SLC38A6: variants seen among roughly 807,000 people sequenced by gnomAD.
SLC38A6 encodes the protein solute carrier family 38 member 6, also known as N system amino acid transporter NAT-1.
In SLC38A6, 73 loss-of-function variants were observed where a neutral mutation model predicts 65.0. The observed-to-expected ratio is 1.12, with a 90% CI of 0.93 to 1.37. The LOEUF (loss-of-function observed/expected upper bound fraction) is 1.37. Ranked by LOEUF, SLC38A6 falls within the 40% of genes most tolerant of loss-of-function variation. The pLI, the probability that SLC38A6 is intolerant of heterozygous loss-of-function variation, is 0.00. For missense variants in SLC38A6, 561 were observed against 531.1 expected (o/e 1.06, Z -0.55); for synonymous variants, 183 against 178.8 (o/e 1.02, Z -0.19).
intron 15 of SLC38A6, among the ~76,000 whole-genome samples, chr14:61,068,834 C>T (rs2043119336): frequency 6.6e-6 from 1 of 152,126 alleles, no homozygotes; most frequent in Non-Finnish European, 1.5e-5. Flanking sequence ...TTTGGAGTGG[C>T]TTAATATTTG....
At position 61,052,115 on chromosome 14, in the gene SLC38A6, C is replaced by G; in HGVS notation, c.1270C>G (p.Leu424Val). Reference protein sequence around the residue: ...FYLKLSREDFLSWKKLGAFVL... With the variant: ...FYLKLSREDFVSWKKLGAFVL... Reference sequence around the variant, plus strand: ...TCTTAAACTTAGCAGAGAGGATTTTCTGTCATGGAAAAAGCTTGGGGTAGG... The same window carrying G: ...TCTTAAACTTAGCAGAGAGGATTTTGTGTCATGGAAAAAGCTTGGGGTAGG... Residue 424 changes from leucine (L) to valine (V), a missense_variant, in exon 15 of 16, where the codon CTG (leucine) becomes GTG (valine). Leu to Val is a conservative substitution (Grantham distance 32). Transcript: ENST00000267488. 1 of 1,563,774 alleles carries G rather than the reference C, an allele frequency of 6.4e-7. No individual in the cohort carries two copies.
intron 7 of SLC38A6, 59 bp from the exon 8 acceptor site, chr14:61,037,566 G>T: frequency 8.3e-7 from 1 of 1,209,434 alleles, no homozygotes. Flanking sequence ...TATAGCTTTA[G>T]TTGTACGTTA....
chr14:61,031,577 T>C lies in SLC38A6; in HGVS notation c.482+1054T>C, dbSNP rs544601366. On this transcript the variant is annotated intron_variant, in intron 6 of 15. Transcript: ENST00000267488. ...GATATTGTTCCTTTGTATGATACTT[T>C]ACAGTTAATGAGGTTTCCACATGCA... Among the ~76,000 whole-genome samples, 8 of 152,226 alleles carry C rather than the reference T, an allele frequency of 5.3e-5. No individual in the cohort carries two copies. In the East Asian group the frequency reaches 1.5e-3, roughly 29 times the overall value.
At chr14:61,050,778 A>G in intron 13 of SLC38A6, 142 bp downstream of exon 13, 1 of 691,460 alleles carries the variant, frequency 1.4e-6, no homozygotes. Context: ...CAAAGACTTC[A>G]TACTTGCATA....
intron 3 of SLC38A6, among the ~76,000 whole-genome samples, chr14:60,995,545 T>G (rs1162631167): frequency 2.0e-5 from 3 of 152,162 alleles, no homozygotes; most frequent in African/African-American, 7.2e-5. Flanking sequence ...GATGACTATA[T>G]GTAATATTGT....
intron 3 of SLC38A6, among the ~76,000 whole-genome samples, chr14:61,005,957 A>C (rs2039078791): frequency 6.6e-6 from 1 of 152,184 alleles, no homozygotes; most frequent in South Asian, 2.1e-4. Flanking sequence ...CCAAAACAGC[A>C]TGGTACTGGT....
intron 3 of SLC38A6, among the ~76,000 whole-genome samples, chr14:60,988,420 AC>A (rs1378321320): frequency 6.6e-6 from 1 of 152,026 alleles, no homozygotes; most frequent in Non-Finnish European, 1.5e-5. Context: ...CTTCAGTATT[AC>A]CCCTGTTATA....
intron 12 of SLC38A6, among the ~76,000 whole-genome samples, chr14:61,047,962 GATAGATAGATAGATAC>G (rs1395979003): frequency 1.8e-4 from 8 of 43,262 alleles, no homozygotes; most frequent in Admixed American, 8.1e-4. Flanking sequence ...AGATTAGATA[GATAGATAGATAGATAC>G]ATACATACAT....
chr14:61,069,200 C>A (rs1012764053), intron 15 of SLC38A6, among the ~76,000 whole-genome samples: 1 of 152,176 alleles, frequency 6.6e-6, no homozygotes, highest in Admixed American at 6.5e-5. Flanking sequence ...ATTGCCATAT[C>A]TACCTGCTAG....
At chr14:61,047,990 CA>C (rs2042261539) in intron 12 of SLC38A6, among the ~76,000 whole-genome samples, 1 of 128,400 alleles carries the variant, frequency 7.8e-6, no homozygotes, top group African/African-American at 2.9e-5. Context: ...TACATACATA[CA>C]TACATACATA....
At chr14:61,019,407 G>A in intron 4 of SLC38A6, 134 bp from the exon 5 acceptor site, 1 of 669,300 alleles carries the variant, frequency 1.5e-6, no homozygotes, top group Non-Finnish European at 2.5e-6. Flanking sequence ...CAAATGACTG[G>A]CAGATTTCTT....
chr14:60,992,278 AATTAAACTT>A (rs2037957041), intron 3 of SLC38A6, among the ~76,000 whole-genome samples: 1 of 152,196 alleles, frequency 6.6e-6, no homozygotes, highest in South Asian at 2.1e-4. Flanking sequence ...ACGTGTTTAA[AATTAAACTT>A]ATCTTTCATC....
intron 4 of SLC38A6, among the ~76,000 whole-genome samples, 196 bp downstream of exon 4, chr14:61,016,152 A>G (rs1382725849): frequency 6.6e-6 from 1 of 152,222 alleles, no homozygotes; most frequent in Admixed American, 6.5e-5. Context: ...GCATCAATAC[A>G]TTTAATTCAA....
chr14:61,035,115 C>T (rs1337501852), intron 6 of SLC38A6, among the ~76,000 whole-genome samples: 6 of 152,066 alleles, frequency 3.9e-5, no homozygotes, highest in Non-Finnish European at 5.9e-5. Context: ...GAAAAAGTCC[C>T]TATTGGTCTT....
intron 6 of SLC38A6, among the ~76,000 whole-genome samples, chr14:61,031,484 G>A (rs2040986925): frequency 6.6e-6 from 1 of 152,024 alleles, no homozygotes; most frequent in African/African-American, 2.4e-5. Context: ...GATCTGAATA[G>A]AAACCATCAA....
At chr14:61,027,622 A>G (rs2040679675) in intron 5 of SLC38A6, among the ~76,000 whole-genome samples, 1 of 152,072 alleles carries the variant, frequency 6.6e-6, no homozygotes, top group Non-Finnish European at 1.5e-5. Flanking sequence ...TTTCCAGTTC[A>G]TTTTATTGAG....
At chr14:61,070,149 C>A (rs1192405692) in intron 15 of SLC38A6, among the ~76,000 whole-genome samples, 1 of 152,160 alleles carries the variant, frequency 6.6e-6, no homozygotes. Flanking sequence ...ATAGTAGATA[C>A]CTAAAACTTT....
chr14:60,990,242 G>C (rs930010242), intron 3 of SLC38A6, among the ~76,000 whole-genome samples: 2 of 152,168 alleles, frequency 1.3e-5, no homozygotes, highest in African/African-American at 4.8e-5. Context: ...TGTTGGCCAG[G>C]CTGGTCTCAA....
chr14:61,051,003 C>CT (rs2042477261), intron 13 of SLC38A6, among the ~76,000 whole-genome samples: 1 of 152,066 alleles, frequency 6.6e-6, no homozygotes, highest in Non-Finnish European at 1.5e-5. Flanking sequence ...AAATAAGCTC[C>CT]TTCTGGGTTT....
Sources: gnomAD v4.1 joint callset for allele counts (sites outside exome capture counted in the v4.1 genomes callset) on GRCh38, gnomAD v4.1.1 for gene constraint, MANE v1.5 for transcripts, NCBI Gene and HGNC (gene_info 2026-07-23, HGNC 2026-07-21) for gene names.